Variants in ROR2 observed in about 807,000 individuals in gnomAD.
The protein encoded by ROR2 is ROR family WNT receptor 2, also known as tyrosine-protein kinase transmembrane receptor ROR2.
Under a neutral mutation model 74.9 loss-of-function variants are expected in ROR2, and 33 were observed. The observed-to-expected ratio is 0.44, with a 90% confidence interval of 0.33 to 0.59. The LOEUF (loss-of-function observed/expected upper bound fraction) is 0.59. ROR2 is among the 20% of genes least tolerant of loss of function. The probability of loss-of-function intolerance (pLI) is 0.02; values close to 1 mark genes in which losing one functional copy is unlikely to be tolerated. For synonymous variants in ROR2, 586 were observed against 558.7 expected, an observed-to-expected ratio of 1.05 and a Z score of -0.69; for missense variants, 1,216 against 1,313.8, an observed-to-expected ratio of 0.93 and a Z score of 1.15.
chr9:91,757,463 G>T lies in ROR2; in HGVS notation c.272C>A (p.Pro91His), dbSNP rs1205352323. The change falls in exon 3 of 9, where the codon CCT (proline) becomes CAT (histidine). Residue 91 changes from proline (P) to histidine (H), a missense_variant. Physicochemically the swap from Pro to His is moderately conservative, Grantham distance 77 (BLOSUM62 -2). Coordinates refer to ENST00000375708, the MANE Select transcript of ROR2 (RefSeq NM_004560.4). ...ATCATTCTTTAGCCACCGCACGTTA[G>T]GGGGTGGGTTTCCTGCCACCTTGCA... ...LHCKVAGNPP[P>H]NVRWLKNDAP... 5 of 1,613,968 alleles carry T rather than the reference G, an allele frequency of 3.1e-6. No homozygotes were observed. Among genetic ancestry groups the T allele is most frequent in the East Asian group, 2.2e-5 (1 of 44,866 alleles).
intron 1 of ROR2, among the ~76,000 whole-genome samples, chr9:91,869,360 T>C (rs1437624365): frequency 1.3e-5 from 2 of 152,208 alleles, no homozygotes; most frequent in Non-Finnish European, 2.9e-5. Context: ...GCTAGTTGTG[T>C]ACAGGCATAT....
chr9:91,722,955 A>G lies in ROR2; in HGVS notation c.*707T>C. ...TCTGAACATTCCAAACCCAAGAAAC[A>G]CTTTCCCTTGAATTCCCAAAAAAAG... On this transcript the variant is annotated 3_prime_UTR_variant, in exon 9 of 9. Coordinates refer to ENST00000375708, the MANE Select transcript of ROR2 (RefSeq NM_004560.4). The G allele has an allele frequency of 4.8e-6, 1 of 208,308 alleles. No individual in the cohort carries two copies. Among genetic ancestry groups the G allele is most frequent in the Non-Finnish European group, 9.7e-6 (1 of 102,654 alleles). 12.9% of individuals were successfully genotyped at this position (208,308 alleles called of 1,614,324 possible).
intron 1 of ROR2, among the ~76,000 whole-genome samples, chr9:91,874,421 T>TGAG (rs10655962): frequency 0.073 from 11,169 of 152,240 alleles, 520 homozygotes; most frequent in African/African-American, 0.12. Context: ...ATTTAATTGA[T>TGAG]GAACTATAAA....
chr9:91,863,962 G>A (rs1829552540), intron 1 of ROR2, among the ~76,000 whole-genome samples: 1 of 152,156 alleles, frequency 6.6e-6, no homozygotes, highest in South Asian at 2.1e-4. Context: ...GAAATGGGAA[G>A]GGAAGGGGAA....
At chr9:91,792,588 A>G (rs60838127) in intron 1 of ROR2, among the ~76,000 whole-genome samples, 25,061 of 152,184 alleles carry the variant, frequency 0.16, 2,633 homozygotes, top group African/African-American at 0.28. Context: ...GATTACAGGC[A>G]TGAGCCATGC....
At chr9:91,777,813 A>G (rs34559953) in intron 1 of ROR2, among the ~76,000 whole-genome samples, 14,869 of 152,220 alleles carry the variant, frequency 0.098, 812 homozygotes, top group Middle Eastern at 0.15. Flanking sequence ...TATTCTAAAC[A>G]AGCATCAATT....
intron 1 of ROR2, among the ~76,000 whole-genome samples, chr9:91,852,081 T>C (rs1305457213): frequency 1.3e-5 from 2 of 152,174 alleles, no homozygotes; most frequent in Non-Finnish European, 2.9e-5. Flanking sequence ...ACTAAGGTTA[T>C]TCCTGGGTAT....
At chr9:91,926,993 T>C (rs935803834) in intron 1 of ROR2, among the ~76,000 whole-genome samples, 3 of 152,190 alleles carry the variant, frequency 2.0e-5, no homozygotes, top group African/African-American at 4.8e-5. Context: ...CCAATTAAGA[T>C]GGCACATTCT....
intron 1 of ROR2, among the ~76,000 whole-genome samples, chr9:91,900,285 G>A (rs1391808611): frequency 6.6e-6 from 1 of 152,218 alleles, no homozygotes; most frequent in African/African-American, 2.4e-5. Flanking sequence ...CAAACTGGAC[G>A]CCGCAAGGGG....
At chr9:91,822,357 A>G (rs1210067483) in intron 1 of ROR2, among the ~76,000 whole-genome samples, 5 of 152,192 alleles carry the variant, frequency 3.3e-5, no homozygotes, top group African/African-American at 1.2e-4. Context: ...TGTATAATAC[A>G]AGGTGAGCTG....
chr9:91,920,552 G>A (rs955709341), intron 1 of ROR2, among the ~76,000 whole-genome samples: 1 of 152,226 alleles, frequency 6.6e-6, no homozygotes, highest in African/African-American at 2.4e-5. Context: ...GCCCACAGGA[G>A]ACATTCAGAA....
At chr9:91,728,487 G>A (rs1837120458) in intron 7 of ROR2, among the ~76,000 whole-genome samples, 1 of 152,212 alleles carries the variant, frequency 6.6e-6, no homozygotes, top group South Asian at 2.1e-4. Context: ...CTGGAGGGCA[G>A]TGGTGGGATC....
At chr9:91,778,737 C>T (rs542430076) in intron 1 of ROR2, among the ~76,000 whole-genome samples, 2 of 152,242 alleles carry the variant, frequency 1.3e-5, no homozygotes, top group Admixed American at 6.5e-5. Flanking sequence ...GAATGTCATC[C>T]GTATGACAGG....
At chr9:91,729,879 C>T (rs1337672735) in intron 7 of ROR2, among the ~76,000 whole-genome samples, 1 of 152,206 alleles carries the variant, frequency 6.6e-6, no homozygotes, top group Non-Finnish European at 1.5e-5. Context: ...ATCTGAGAAG[C>T]AGTGAAAAGC....
intron 1 of ROR2, among the ~76,000 whole-genome samples, chr9:91,812,400 C>G (rs940854653): frequency 1.3e-5 from 2 of 151,720 alleles, no homozygotes; most frequent in Non-Finnish European, 2.9e-5. Context: ...GCGCGGGGGC[C>G]GGGCATGTGG....
At chr9:91,766,033 C>T (rs1826048576) in intron 2 of ROR2, among the ~76,000 whole-genome samples, 2 of 152,300 alleles carry the variant, frequency 1.3e-5, no homozygotes, top group South Asian at 4.2e-4. Context: ...ATCAGGATTT[C>T]CCTATCCCTG....
intron 1 of ROR2, among the ~76,000 whole-genome samples, chr9:91,800,742 G>A (rs1208395032): frequency 6.6e-6 from 1 of 152,198 alleles, no homozygotes; most frequent in Non-Finnish European, 1.5e-5. Flanking sequence ...CATTCCCAGC[G>A]GGCTTCACGT....
intron 1 of ROR2, among the ~76,000 whole-genome samples, chr9:91,930,532 T>C (rs575291274): frequency 2.0e-4 from 30 of 152,372 alleles, no homozygotes; most frequent in South Asian, 1.0e-3. Flanking sequence ...AGCACTCTTC[T>C]GCAGAAGTAA....
At chr9:91,822,764 G>A (rs1666256505) in intron 1 of ROR2, among the ~76,000 whole-genome samples, 1 of 152,108 alleles carries the variant, frequency 6.6e-6, no homozygotes, top group Non-Finnish European at 1.5e-5. Flanking sequence ...GGGAGAAGGG[G>A]GCAGCCACCA....
Sources: allele counts gnomAD v4.1 joint callset (sites outside exome capture counted in the v4.1 genomes callset), GRCh38; gene constraint gnomAD v4.1.1; transcripts MANE v1.5; gene names NCBI Gene and HGNC (gene_info 2026-07-23, HGNC 2026-07-21).